LYPD6B: variants seen among roughly 807,000 people sequenced by gnomAD.
LYPD6B encodes the protein LY6/PLAUR domain containing 6B.
A neutral mutation model predicts 22.8 loss-of-function variants in LYPD6B; 17 were observed. The ratio of observed to expected loss-of-function variants is 0.75; its 90% CI spans 0.51 to 1.12. The LOEUF is 1.12. Among genes scored for constraint, LYPD6B ranks in the 50% most tolerant of loss-of-function variants. The probability of loss-of-function intolerance (pLI) is 0.00; values close to 1 mark genes in which losing one functional copy is unlikely to be tolerated. For missense variants in LYPD6B, 221 were observed against 258.3 expected, an observed-to-expected ratio of 0.86 and a Z score of 0.99; for synonymous variants, 106 against 91.6, an observed-to-expected ratio of 1.16 and a Z score of -0.90.
At chr2:149,120,375 ATATATATATTTTTT>A (rs1687246580) in intron 1 of LYPD6B, among the ~76,000 whole-genome samples, 2 of 30,714 alleles carry the variant, frequency 6.5e-5, no homozygotes, top group Non-Finnish European at 1.2e-4. Context: ...ATATATATAT[ATATATATATTTTTT>A]TTTTTTTTTT....
At chr2:149,202,391 C>G (rs970402838) in intron 3 of LYPD6B, among the ~76,000 whole-genome samples, 1 of 152,148 alleles carries the variant, frequency 6.6e-6, no homozygotes, top group Admixed American at 6.5e-5. Context: ...CCCCATGAGG[C>G]AAGCTTCTTC....
At chr2:149,086,894 C>A (rs1174703796) in intron 1 of LYPD6B, among the ~76,000 whole-genome samples, 1 of 152,050 alleles carries the variant, frequency 6.6e-6, no homozygotes, top group Non-Finnish European at 1.5e-5. Flanking sequence ...TCCAAATTTT[C>A]TTTTTGTTAA....
intron 1 of LYPD6B, among the ~76,000 whole-genome samples, chr2:149,098,814 A>C (rs1686048817): frequency 6.6e-6 from 1 of 150,952 alleles, no homozygotes. Context: ...GTTTAAGACA[A>C]ATGCATGATG....
intron 1 of LYPD6B, among the ~76,000 whole-genome samples, chr2:149,102,365 G>A (rs1484603693): frequency 6.6e-6 from 1 of 152,180 alleles, no homozygotes; most frequent in Non-Finnish European, 1.5e-5. Flanking sequence ...GGCCTCCACA[G>A]TAATACAGGA....
At chr2:149,110,286 C>A (rs573877223) in intron 1 of LYPD6B, among the ~76,000 whole-genome samples, 37 of 152,118 alleles carry the variant, frequency 2.4e-4, no homozygotes, top group Admixed American at 1.4e-3. Flanking sequence ...ATAATTCTAA[C>A]ATCTGTATCT....
chr2:149,160,540 T>TA, intron 2 of LYPD6B: 1 of 642,996 alleles, frequency 1.6e-6, no homozygotes, highest in Non-Finnish European at 2.9e-6. Flanking sequence ...TGTGTGTTAA[T>TA]AAAACGCTAG....
chr2:149,102,784 C>T (rs540948151), intron 1 of LYPD6B, among the ~76,000 whole-genome samples: 1 of 152,262 alleles, frequency 6.6e-6, no homozygotes, highest in African/African-American at 2.4e-5. Context: ...TGCCCGCCAC[C>T]ATACCTGGCT....
chr2:149,184,186 CAA>C (rs11353542), intron 3 of LYPD6B, among the ~76,000 whole-genome samples: 80 of 147,118 alleles, frequency 5.4e-4, no homozygotes, highest in East Asian at 1.2e-3. Flanking sequence ...AACTCCATCT[CAA>C]AAAAAAAAAA....
At chr2:149,150,242 G>C (rs959076238) in intron 2 of LYPD6B, among the ~76,000 whole-genome samples, 2 of 152,136 alleles carry the variant, frequency 1.3e-5, no homozygotes, top group East Asian at 1.9e-4. Flanking sequence ...TGGAGCTGTT[G>C]TATTGCTATT....
intron 1 of LYPD6B, among the ~76,000 whole-genome samples, chr2:149,092,724 A>T (rs1009444062): frequency 6.6e-6 from 1 of 152,110 alleles, no homozygotes; most frequent in African/African-American, 2.4e-5. Flanking sequence ...TAACTTCAAT[A>T]TGTTTATGCT....
At chr2:149,156,924 T>C (rs1393738626) in intron 2 of LYPD6B, among the ~76,000 whole-genome samples, 8 of 152,142 alleles carry the variant, frequency 5.3e-5, no homozygotes, top group African/African-American at 1.7e-4. Flanking sequence ...ATGGGACTAT[T>C]TTAGGGGAAG....
chr2:149,116,154 A>G (rs1405758914), intron 1 of LYPD6B, among the ~76,000 whole-genome samples: 1 of 152,254 alleles, frequency 6.6e-6, no homozygotes, highest in Non-Finnish European at 1.5e-5. Flanking sequence ...GAGAGAGCCC[A>G]TATTCACATA....
At chr2:149,142,397 G>T (rs572348991) in intron 2 of LYPD6B, among the ~76,000 whole-genome samples, 37 of 152,156 alleles carry the variant, frequency 2.4e-4, no homozygotes, top group African/African-American at 8.2e-4. Flanking sequence ...ATTTATTGAG[G>T]GTCTTACACC....
At chr2:149,203,892 AT>A (rs1693330720) in intron 3 of LYPD6B, among the ~76,000 whole-genome samples, 1 of 152,238 alleles carries the variant, frequency 6.6e-6, no homozygotes, top group African/African-American at 2.4e-5. Context: ...CAAAATCAGT[AT>A]ACCCACAATA....
intron 1 of LYPD6B, among the ~76,000 whole-genome samples, chr2:149,095,846 A>C (rs1685878908): frequency 6.6e-6 from 1 of 151,906 alleles, no homozygotes; most frequent in African/African-American, 2.4e-5. Context: ...GACAGGAGAC[A>C]GATAGACAGA....
chr2:149,050,159 A>G (rs1299954105), intron 1 of LYPD6B, among the ~76,000 whole-genome samples: 1 of 151,830 alleles, frequency 6.6e-6, no homozygotes, highest in Non-Finnish European at 1.5e-5. Flanking sequence ...TCAGCTTGCA[A>G]GGGGTCAGTT....
At chr2:149,162,842 A>G (rs535369897) in intron 3 of LYPD6B, among the ~76,000 whole-genome samples, 11 of 152,078 alleles carry the variant, frequency 7.2e-5, no homozygotes, top group East Asian at 5.8e-4. Flanking sequence ...GCTGCTGAGT[A>G]CTCTATTAAA....
At chr2:149,099,767 C>T (rs1361550447) in intron 1 of LYPD6B, among the ~76,000 whole-genome samples, 7 of 152,134 alleles carry the variant, frequency 4.6e-5, no homozygotes, top group Non-Finnish European at 2.9e-5. Context: ...CCCTGTTTGT[C>T]CCAGAACTGA....
intron 1 of LYPD6B, among the ~76,000 whole-genome samples, chr2:149,084,974 G>A (rs1462969283): frequency 6.6e-6 from 1 of 152,144 alleles, no homozygotes; most frequent in Non-Finnish European, 1.5e-5. Flanking sequence ...AACTCCAGAA[G>A]AAGTACAGAC....
Sources: gnomAD v4.1 joint callset for allele counts (sites outside exome capture counted in the v4.1 genomes callset) on GRCh38, gnomAD v4.1.1 for gene constraint, MANE v1.5 for transcripts, NCBI Gene and HGNC (gene_info 2026-07-23, HGNC 2026-07-21) for gene names.